KCNH1: variants seen among roughly 807,000 people sequenced by gnomAD.
The protein encoded by KCNH1 is voltage-gated delayed rectifier potassium channel KCNH1.
KCNH1 carries 27 observed loss-of-function variants against 69.2 expected under a neutral mutation model. The ratio of observed to expected loss-of-function variants is 0.39; its 90% CI spans 0.29 to 0.54. KCNH1 has a LOEUF of 0.54. KCNH1 is among the 20% of genes least tolerant of loss of function. The pLI, the probability that KCNH1 is intolerant of heterozygous loss-of-function variation, is 0.68. For synonymous variants in KCNH1, 456 were observed against 487.7 expected (o/e 0.93, Z 0.86); for missense variants, 798 against 1,261.6 (o/e 0.63, Z 5.57).
At chr1:210,741,713 G>A (rs542365000) in intron 10 of KCNH1, among the ~76,000 whole-genome samples, 8 of 152,170 alleles carry the variant, frequency 5.3e-5, no homozygotes, top group Non-Finnish European at 1.2e-4. Context: ...AGGCCTGCGA[G>A]CGTTCTGTGT....
chr1:210,922,729 T>C (rs1402900057), intron 6 of KCNH1, among the ~76,000 whole-genome samples: 1 of 152,180 alleles, frequency 6.6e-6, no homozygotes, highest in Non-Finnish European at 1.5e-5. Context: ...CCTCTCTTCA[T>C]AGGCATTTAC....
intron 1 of KCNH1, among the ~76,000 whole-genome samples, chr1:211,123,099 G>A (rs576847573): frequency 6.6e-6 from 1 of 152,192 alleles, no homozygotes; most frequent in African/African-American, 2.4e-5. Context: ...AGGAGTGTAG[G>A]GGACACACTT....
intron 1 of KCNH1, among the ~76,000 whole-genome samples, chr1:211,126,234 C>T (rs571807304): frequency 2.7e-4 from 41 of 151,652 alleles, no homozygotes; most frequent in Non-Finnish European, 5.0e-4. Context: ...TGTATGGGGC[C>T]GGTGGTAGCT....
At chr1:210,905,244 T>C (rs1687077862) in intron 7 of KCNH1, among the ~76,000 whole-genome samples, 1 of 152,202 alleles carries the variant, frequency 6.6e-6, no homozygotes, top group Admixed American at 6.5e-5. Flanking sequence ...CCTGTTTTCT[T>C]ACCTGTAAAA....
At chr1:210,806,060 CA>C (rs1252021757) in intron 7 of KCNH1, among the ~76,000 whole-genome samples, 58 of 152,238 alleles carry the variant, frequency 3.8e-4, no homozygotes, top group Non-Finnish European at 3.1e-4. Flanking sequence ...AACATATTTT[CA>C]ATTCTTTTGT....
chr1:210,773,552 T>C (rs1683794862), intron 10 of KCNH1, among the ~76,000 whole-genome samples: 3 of 152,192 alleles, frequency 2.0e-5, no homozygotes, highest in African/African-American at 7.2e-5. Flanking sequence ...TGGAACCTTG[T>C]ACAAAGGACT....
At chr1:210,944,431 C>A (rs985382) in intron 6 of KCNH1, among the ~76,000 whole-genome samples, 1 of 152,240 alleles carries the variant, frequency 6.6e-6, no homozygotes. Flanking sequence ...AGAAAGCAGA[C>A]GGCCAAAGGA....
chr1:210,935,823 G>A (rs898763129), intron 6 of KCNH1, among the ~76,000 whole-genome samples: 6 of 152,172 alleles, frequency 3.9e-5, no homozygotes, highest in Non-Finnish European at 7.3e-5. Context: ...GAGAGAATGC[G>A]TTGGTAAATC....
intron 7 of KCNH1, chr1:210,862,335 T>A: frequency 2.8e-6 from 2 of 711,812 alleles, no homozygotes; most frequent in South Asian, 1.5e-5. Context: ...GGGCCAGGAA[T>A]AGCACTACTC....
In KCNH1 at chr1:211,050,260, T is replaced by TAAAAAAAAAAAAAAAAAAAAAAAA. The variant is rs747498526; in HGVS notation, c.559-31028_559-31005dup. Among the ~76,000 whole-genome samples the TAAAAAAAAAAAAAAAAAAAAAAAA allele has an allele frequency of 5.5e-4, 32 of 58,562 alleles. 7 individuals carry two copies. The highest frequency in any genetic ancestry group is 8.6e-4 in the Non-Finnish European group (28 of 32,566). 38.4% of individuals were successfully genotyped at this position (58,562 alleles called of 152,430 possible). On this transcript the variant is annotated intron_variant, in intron 5 of 10. Transcript: ENST00000271751. ...AGGACAAACTCAGCCCACACATTCT[T>TAAAAAAAAAAAAAAAAAAAAAAAA]AAAAAAAAAAAAAAAAAAAAAAAAA...
rs557418682 is a variant in KCNH1 at position 210,734,565 on chromosome 1, C to G, written c.2112+40783G>C. Among the ~76,000 whole-genome samples, 4 of 152,300 alleles carry G rather than the reference C, an allele frequency of 2.6e-5. No individual in the cohort carries two copies. The East Asian group carries it at 7.7e-4, about 29-fold the overall frequency. On this transcript the variant is annotated intron_variant, in intron 10 of 10. Coordinates refer to ENST00000271751, the MANE Select transcript of KCNH1 (RefSeq NM_172362.3). ...TTCAATATAATCCCCCGCCACCCCC[C>G]ACCAAAACCTTTGGGGAAAACAGAT...
chr1:211,047,798 C>T (rs1368871974), intron 5 of KCNH1, among the ~76,000 whole-genome samples: 1 of 151,672 alleles, frequency 6.6e-6, no homozygotes, highest in African/African-American at 2.4e-5. Flanking sequence ...AAAATATTCT[C>T]AAAATATGCA....
At position 211,048,681 on chromosome 1, in the gene KCNH1, T is replaced by C. The variant is rs188298737; in HGVS notation, c.559-29425A>G. On this transcript the variant is annotated intron_variant, in intron 5 of 10. Coordinates refer to ENST00000271751, the MANE Select transcript of KCNH1 (RefSeq NM_172362.3). Reference sequence around the variant, plus strand: ...GGCATGAGAATGATACATTGGACTTTGGGGACAAGTGGGGAATAATGGGGG... The same window carrying C: ...GGCATGAGAATGATACATTGGACTTCGGGGACAAGTGGGGAATAATGGGGG... Among the ~76,000 whole-genome samples the C allele has an allele frequency of 7.3e-3, 1,114 of 152,232 alleles. 8 individuals are homozygous for C. Among genetic ancestry groups the C allele is most frequent in the Middle Eastern group, 0.014 (4 of 294 alleles).
chr1:210,756,725 T>C (rs1683407825), intron 10 of KCNH1, among the ~76,000 whole-genome samples: 1 of 152,150 alleles, frequency 6.6e-6, no homozygotes, highest in Admixed American at 6.5e-5. Flanking sequence ...CTGGGAATAT[T>C]GCTTCCCAGT....
intron 10 of KCNH1, among the ~76,000 whole-genome samples, chr1:210,685,687 A>G (rs1681393682): frequency 6.6e-6 from 1 of 151,244 alleles, no homozygotes; most frequent in Non-Finnish European, 1.5e-5. Context: ...AGATGCTTAA[A>G]TGGCTCCTGT....
At chr1:210,786,286 T>G (rs2102385725) in intron 9 of KCNH1, among the ~76,000 whole-genome samples, 1 of 152,350 alleles carries the variant, frequency 6.6e-6, no homozygotes, top group Middle Eastern at 3.4e-3. Context: ...ATCTCTGAAA[T>G]CAAAATGTGC....
chr1:210,904,648 G>A (rs146670268), intron 7 of KCNH1, among the ~76,000 whole-genome samples: 64 of 152,226 alleles, frequency 4.2e-4, no homozygotes, highest in Middle Eastern at 3.4e-3. Flanking sequence ...TCTAGACAAT[G>A]TTCACTAGGC....
chr1:210,870,897 T>C (rs182837513), intron 7 of KCNH1, among the ~76,000 whole-genome samples: 1 of 152,194 alleles, frequency 6.6e-6, no homozygotes, highest in African/African-American at 2.4e-5. Flanking sequence ...AGATGAACAA[T>C]GCTGCCTTTA....
intron 6 of KCNH1, among the ~76,000 whole-genome samples, chr1:210,966,063 C>T (rs1407272108): frequency 6.6e-6 from 1 of 152,074 alleles, no homozygotes; most frequent in Non-Finnish European, 1.5e-5. Context: ...AGAATAGAGG[C>T]CTCAGAAATA....
Sources: allele counts gnomAD v4.1 joint callset (sites outside exome capture counted in the v4.1 genomes callset), GRCh38; gene constraint gnomAD v4.1.1; transcripts MANE v1.5; gene names NCBI Gene and HGNC (gene_info 2026-07-23, HGNC 2026-07-21).